JRK: variants seen among roughly 807,000 people sequenced by gnomAD.
JRK encodes the protein jerky protein homolog.
For synonymous variants in JRK, 303 were observed against 218.1 expected (o/e 1.39, Z -3.43); for missense variants, 720 against 509.2 (o/e 1.41, Z -3.98).
chr8:142,667,334 C>T (rs1398524802), intron 1 of JRK, among the ~76,000 whole-genome samples: 1 of 152,170 alleles, frequency 6.6e-6, no homozygotes, highest in Non-Finnish European at 1.5e-5. Context: ...CACACTGAGC[C>T]GCTGGTCTCT....
Position 142,665,934 on chromosome 8 carries a change from A to C in JRK, c.125T>G (p.Met42Arg). 1 of 836,540 alleles carries C rather than the reference A, an allele frequency of 1.2e-6. No homozygotes were observed. The highest frequency in any genetic ancestry group is 2.1e-6 in the Non-Finnish European group (1 of 469,408). 51.8% of individuals were successfully genotyped at this position (836,540 alleles called of 1,614,324 possible). A position where few individuals can be genotyped will look rare whatever the true frequency, so the allele number is the denominator to read the frequency against. Residue 42 changes from methionine (M) to arginine (R), a missense_variant, in exon 2 of 2, where the codon ATG becomes AGG. Coordinates refer to ENST00000612905, the MANE Select transcript of JRK (RefSeq NM_003724.4). ...LEKGESRKAL[M>R]QEYNVGMSTL... Reference sequence around the variant, plus strand: ...GGACATGCCCACATTGTACTCCTGCATCAGTGCCTTCCGGCTCTCGCCCTT... The same window carrying C: ...GGACATGCCCACATTGTACTCCTGCCTCAGTGCCTTCCGGCTCTCGCCCTT...
Position 142,658,270 on chromosome 8 carries a change from A to T in JRK, c.*6082T>A, listed in dbSNP as rs1345762018. ...CAAAATACCACAGGCTAGGTGTCTT[A>T]AACAACATAAATTAATTTTTCACAG... On this transcript the variant is annotated 3_prime_UTR_variant, in exon 2 of 2. Transcript: ENST00000612905. The T allele has an allele frequency of 3.9e-5, 6 of 152,320 alleles. No homozygotes were observed. The highest frequency in any genetic ancestry group is 7.3e-5 in the Non-Finnish European group (5 of 68,088). 9.4% of individuals were successfully genotyped at this position (152,320 alleles called of 1,614,324 possible).
chr8:142,669,467 C>G (rs1419218128), intron 1 of JRK, among the ~76,000 whole-genome samples: 2 of 152,114 alleles, frequency 1.3e-5, no homozygotes, highest in Non-Finnish European at 2.9e-5. Context: ...AGCGTCCGTA[C>G]CCCAGGGTCC....
At chr8:142,650,497 G>T in the JRK span, among the ~76,000 whole-genome samples, 1 of 152,234 alleles carries the variant, frequency 6.6e-6, no homozygotes, top group Non-Finnish European at 1.5e-5. Flanking sequence ...CCAGTGGGAG[G>T]TAATTGAATC....
chr8:142,669,235 G>C (rs1847241555), intron 1 of JRK, among the ~76,000 whole-genome samples: 1 of 149,714 alleles, frequency 6.7e-6, no homozygotes, highest in African/African-American at 2.5e-5. Context: ...GGATATGAAG[G>C]AGAAATACTC....
downstream of JRK, among the ~76,000 whole-genome samples, chr8:142,656,039 G>A (rs1010469987): frequency 1.3e-4 from 20 of 152,068 alleles, no homozygotes; most frequent in African/African-American, 4.6e-4. Context: ...CCATATTTAT[G>A]ATGGCCACTT....
chr8:142,661,539 C>A lies in JRK; in HGVS notation c.*2813G>T. The A allele has an allele frequency of 5.1e-6, 5 of 985,336 alleles. No individual in the cohort carries two copies. Among genetic ancestry groups the A allele is most frequent in the South Asian group, 4.7e-5 (1 of 21,290 alleles). 61.0% of individuals were successfully genotyped at this position (985,336 alleles called of 1,614,324 possible). Reference sequence around the variant, plus strand: ...ATATGACGCAGCACCTGCTACCCCACGAGCCACTGGAAAACTGAGGCTGCA... The same window carrying A: ...ATATGACGCAGCACCTGCTACCCCAAGAGCCACTGGAAAACTGAGGCTGCA... On this transcript the variant is annotated 3_prime_UTR_variant, in exon 2 of 2. Coordinates refer to ENST00000612905, the MANE Select transcript of JRK (RefSeq NM_003724.4).
chr8:142,662,584 TTTGGC>T lies in JRK; in HGVS notation c.*1763_*1767del. The stretch of plus-strand genomic sequence containing the variant: ...TCAGCACCGAGATCTTTAAAAACTA[TTTGGC>T]TTTTATAATCTTCACACATGCATTC... On this transcript the variant is annotated 3_prime_UTR_variant, in exon 2 of 2. Coordinates refer to ENST00000612905, the MANE Select transcript of JRK (RefSeq NM_003724.4). The T allele has an allele frequency of 1.0e-6, 1 of 985,456 alleles. No homozygotes were observed. Among genetic ancestry groups the T allele is most frequent in the Non-Finnish European group, 1.2e-6 (1 of 829,938 alleles). The allele number at this position is 985,456 out of a possible 1,614,324, so 61.0% of individuals were successfully genotyped here. A position where few individuals can be genotyped will look rare whatever the true frequency, so the allele number is the denominator to read the frequency against.
chr8:142,668,794 TTG>T (rs1271726024), intron 1 of JRK, among the ~76,000 whole-genome samples: 2 of 151,498 alleles, frequency 1.3e-5, no homozygotes, highest in Non-Finnish European at 2.9e-5. Flanking sequence ...TTCTGCCAGT[TTG>T]TGTCATCCTG....
chr8:142,667,432 GACACACACACACACACAC>G (rs59385009), intron 1 of JRK, among the ~76,000 whole-genome samples: 60 of 146,838 alleles, frequency 4.1e-4, no homozygotes, highest in Non-Finnish European at 2.1e-4. Context: ...CGGACACGGA[GACACACACACACACACAC>G]ACACACACAC....
the JRK span, among the ~76,000 whole-genome samples, chr8:142,652,274 A>G: frequency 6.6e-6 from 1 of 152,214 alleles, no homozygotes; most frequent in Non-Finnish European, 1.5e-5. Flanking sequence ...TAGAAAGTTT[A>G]TTTTGCCAAG....
At chr8:142,653,602 C>T (rs1554633378), downstream of JRK, among the ~76,000 whole-genome samples, 1 of 152,042 alleles carries the variant, frequency 6.6e-6, no homozygotes. Flanking sequence ...GTCTCGAGCT[C>T]CTGGGCTCAA....
chr8:142,646,473 T>C, the JRK span, among the ~76,000 whole-genome samples: 1 of 152,236 alleles, frequency 6.6e-6, no homozygotes, highest in Non-Finnish European at 1.5e-5. Context: ...TATTAAAGAT[T>C]ACACAAGCAA....
Position 142,663,172 on chromosome 8 carries a change from G to C in JRK, c.*1180C>G. ...TGCCTCAAGAAAAGAAAAGGACAAT[G>C]CACCTATTTTATGCTCGCTGAAAGA... On this transcript the variant is annotated 3_prime_UTR_variant, in exon 2 of 2. Transcript: ENST00000612905. 1.0e-6 allele frequency: 1 copy of C among 985,320 alleles called. No individual in the cohort carries two copies. The allele number at this position is 985,320 out of a possible 1,614,324, so 61.0% of individuals were successfully genotyped here.
At position 142,664,290 on chromosome 8, in the gene JRK, C is replaced by A; in HGVS notation, c.*62G>T. 11 of 1,492,164 alleles carry A rather than the reference C, an allele frequency of 7.4e-6. No individual in the cohort carries two copies. Among genetic ancestry groups the A allele is most frequent in the South Asian group, 1.4e-5 (1 of 72,298 alleles). 92.4% of individuals were successfully genotyped at this position (1,492,164 alleles called of 1,614,324 possible). A position where few individuals can be genotyped will look rare whatever the true frequency, so the allele number is the denominator to read the frequency against. On this transcript the variant is annotated 3_prime_UTR_variant, in exon 2 of 2. Coordinates refer to ENST00000612905, the MANE Select transcript of JRK (RefSeq NM_003724.4). ...CCTCAGGTGGGGTCGGGGCACAGGA[C>A]CATGCCACTCCAGGGTGTGGGGAGA...
Position 142,664,864 on chromosome 8 carries a change from C to G in JRK, c.1195G>C (p.Glu399Gln). ...VAFAEGSSSE[E>Q]ELEAECFPVK... ...GGGAAGCACTCTGCCTCCAACTCCTCCTCAGAGGAGGAGCCTTCGGCAAAC... is the reference window on the plus strand; with the variant it reads ...GGGAAGCACTCTGCCTCCAACTCCTGCTCAGAGGAGGAGCCTTCGGCAAAC... The change falls in exon 2 of 2, where the codon GAG (glutamate) becomes CAG (glutamine). Residue 399 changes from glutamate to glutamine, a missense_variant. Physicochemically the swap from Glu to Gln is conservative, Grantham distance 29. Coordinates refer to ENST00000612905, the MANE Select transcript of JRK (RefSeq NM_003724.4). 6.7e-7 allele frequency: 1 copy of G among 1,493,962 alleles called. No homozygotes were observed. The highest frequency in any genetic ancestry group is 9.3e-7 in the Non-Finnish European group (1 of 1,074,126). 92.5% of individuals were successfully genotyped at this position (1,493,962 alleles called of 1,614,324 possible). A position where few individuals can be genotyped will look rare whatever the true frequency, so the allele number is the denominator to read the frequency against.
downstream of JRK, among the ~76,000 whole-genome samples, chr8:142,656,811 G>C (rs1298112939): frequency 6.6e-6 from 1 of 152,192 alleles, no homozygotes; most frequent in Non-Finnish European, 1.5e-5. Flanking sequence ...TTTGGTGGGA[G>C]GGGAATCAGC....
chr8:142,653,145 G>A (rs1006665328), downstream of JRK, among the ~76,000 whole-genome samples: 8 of 152,204 alleles, frequency 5.3e-5, no homozygotes, highest in Non-Finnish European at 1.2e-4. Flanking sequence ...AGTGGGCCAA[G>A]CTAACTTTGG....
chr8:142,661,494 A>T lies in JRK; in HGVS notation c.*2858T>A. On this transcript the variant is annotated 3_prime_UTR_variant, in exon 2 of 2. Coordinates refer to ENST00000612905, the MANE Select transcript of JRK (RefSeq NM_003724.4). ...GAGGTTCTATTAGCAGGCTGGAAGC[A>T]GCCACAGAGGTCCCAAACCATATGA... is the stretch of plus-strand genomic sequence containing the variant. 3.0e-6 allele frequency: 3 copies of T among 985,518 alleles called. No individual in the cohort carries two copies. The highest frequency in any genetic ancestry group is 3.6e-6 in the Non-Finnish European group (3 of 829,992). The allele number at this position is 985,518 out of a possible 1,614,324, so 61.0% of individuals were successfully genotyped here.
Sources: allele counts gnomAD v4.1 joint callset (sites outside exome capture counted in the v4.1 genomes callset), GRCh38; gene constraint gnomAD v4.1.1; transcripts MANE v1.5; gene names NCBI Gene and HGNC (gene_info 2026-07-23, HGNC 2026-07-21).